MED26: variants seen among roughly 807,000 people sequenced by gnomAD.
MED26 encodes the protein mediator of RNA polymerase II transcription subunit 26.
A neutral mutation model predicts 43.7 loss-of-function variants in MED26; 7 were observed. The observed-to-expected ratio is 0.16, with a 90% CI of 0.09 to 0.30. MED26 has a LOEUF of 0.30. MED26 is among the 10% of genes least tolerant of loss of function. The pLI is 1.00. For synonymous variants in MED26, 375 were observed against 371.1 expected (o/e 1.01, Z -0.12); for missense variants, 784 against 840.6 (o/e 0.93, Z 0.83).
chr19:16,575,221 G>C lies in MED26; in HGVS notation c.*806C>G, dbSNP rs1031270958. 6.6e-5 allele frequency: 10 copies of C among 152,604 alleles called. No homozygotes were observed. The South Asian group carries it at 8.3e-4, about 13-fold the overall frequency. The allele number at this position is 152,604 out of a possible 1,614,324, so 9.5% of individuals were successfully genotyped here. On this transcript the variant is annotated 3_prime_UTR_variant, in exon 3 of 3. Transcript: ENST00000263390. Reference sequence around the variant, plus strand: ...TGTTGTTTTGGGGGGACTCTAGAAAGGTGAAGTTTTCTAGATGTGTACAGG... The same window carrying C: ...TGTTGTTTTGGGGGGACTCTAGAAACGTGAAGTTTTCTAGATGTGTACAGG...
At chr19:16,600,414 G>T (rs554331789) in intron 1 of MED26, among the ~76,000 whole-genome samples, 287 of 152,140 alleles carry the variant, frequency 1.9e-3, no homozygotes, top group Non-Finnish European at 3.4e-3. Flanking sequence ...GGGGTGCAGG[G>T]GGGCCTGCCC....
rs150821852 is a variant in MED26 at position 16,621,043 on chromosome 19, A to G, written c.72+6829T>C. On this transcript the variant is annotated intron_variant, in intron 1 of 2. Transcript: ENST00000263390. ...TAGGAACTGGGAAGGAATGGAATTC[A>G]AAATGTAACATGTGAAAACACTTCA... Among the ~76,000 whole-genome samples, 42 of 152,350 alleles carry G rather than the reference A, an allele frequency of 2.8e-4. No individual in the cohort carries two copies. In the East Asian group the frequency reaches 7.1e-3, roughly 26 times the overall value.
chr19:16,622,473 C>G (rs2086256322), intron 1 of MED26, among the ~76,000 whole-genome samples: 1 of 152,252 alleles, frequency 6.6e-6, no homozygotes, highest in Admixed American at 6.5e-5. Context: ...CCTTTAAATA[C>G]AGCATGTAGA....
chr19:16,611,723 T>C (rs1483775680), intron 1 of MED26: 1 of 152,132 alleles, frequency 6.6e-6, no homozygotes, highest in African/African-American at 2.4e-5. Flanking sequence ...CATTTTTCTA[T>C]AGAGCCTTCA....
intron 1 of MED26, among the ~76,000 whole-genome samples, chr19:16,603,462 CT>C (rs1487746257): frequency 1.3e-5 from 2 of 151,906 alleles, no homozygotes; most frequent in Non-Finnish European, 2.9e-5. Context: ...TGCTTGAGGG[CT>C]TTTTTTAAAA....
In MED26 at chr19:16,627,863, G is replaced by A. The variant is rs780847164; in HGVS notation, c.72+9C>T. ...GGCCTCCGTCCCAGCTCGCGCGGCG[G>A]GTACTTACGTTGCTCTGGGGGTCGA... is the stretch of plus-strand genomic sequence containing the variant. On this transcript the variant is annotated intron_variant, in intron 1 of 2. Transcript: ENST00000263390. 1.1e-5 allele frequency: 17 copies of A among 1,486,458 alleles called. No individual in the cohort carries two copies. Among genetic ancestry groups the A allele is most frequent in the South Asian group, 9.0e-5 (7 of 77,848 alleles). 92.1% of individuals were successfully genotyped at this position (1,486,458 alleles called of 1,614,324 possible).
intron 1 of MED26, among the ~76,000 whole-genome samples, chr19:16,589,660 T>C (rs1206524623): frequency 6.6e-6 from 1 of 152,198 alleles, no homozygotes; most frequent in Non-Finnish European, 1.5e-5. Context: ...AAGGCTCTGT[T>C]CCTTAACCTG....
intron 1 of MED26, among the ~76,000 whole-genome samples, chr19:16,607,170 T>C (rs1054104686): frequency 6.6e-6 from 1 of 151,920 alleles, no homozygotes; most frequent in Non-Finnish European, 1.5e-5. Flanking sequence ...AGTGAGACCC[T>C]GTCTCTAAAA....
intron 1 of MED26, among the ~76,000 whole-genome samples, chr19:16,580,199 C>T (rs1029445865): frequency 6.6e-6 from 1 of 152,184 alleles, no homozygotes; most frequent in African/African-American, 2.4e-5. Flanking sequence ...GCCAAGACTG[C>T]GTGGCAAGAG....
intron 1 of MED26, among the ~76,000 whole-genome samples, chr19:16,625,538 CCCCGTTTTTT>C (rs2086270563): frequency 6.6e-6 from 1 of 150,402 alleles, no homozygotes; most frequent in Non-Finnish European, 1.5e-5. Flanking sequence ...TCAACACTGT[CCCCGTTTTTT>C]TTTTTTTCAT....
At chr19:16,618,096 G>C (rs1218159117) in intron 1 of MED26, among the ~76,000 whole-genome samples, 1 of 152,158 alleles carries the variant, frequency 6.6e-6, no homozygotes, top group Non-Finnish European at 1.5e-5. Context: ...ACGAGTTTCC[G>C]GTTACCCAGA....
At chr19:16,599,809 CA>C (rs2086140130) in intron 1 of MED26, among the ~76,000 whole-genome samples, 1 of 152,174 alleles carries the variant, frequency 6.6e-6, no homozygotes, top group African/African-American at 2.4e-5. Context: ...CTTCTCTGTG[CA>C]CCACAGGACA....
chr19:16,624,633 T>C (rs1186799251), intron 1 of MED26: 2 of 152,242 alleles, frequency 1.3e-5, no homozygotes, highest in African/African-American at 4.8e-5. Flanking sequence ...TAATCATCAC[T>C]TAACATCTGT....
intron 1 of MED26, among the ~76,000 whole-genome samples, chr19:16,580,029 C>T (rs543712387): frequency 3.9e-5 from 6 of 152,252 alleles, no homozygotes; most frequent in East Asian, 3.9e-4. Flanking sequence ...ACTTTCCGTC[C>T]GCCATTACAA....
At chr19:16,606,147 G>A (rs1299033818) in intron 1 of MED26, among the ~76,000 whole-genome samples, 1 of 152,210 alleles carries the variant, frequency 6.6e-6, no homozygotes, top group Non-Finnish European at 1.5e-5. Context: ...AGCAGGTGAG[G>A]TCAGGAGACA....
intron 1 of MED26, among the ~76,000 whole-genome samples, chr19:16,580,437 C>T (rs980820554): frequency 4.0e-5 from 6 of 151,746 alleles, no homozygotes; most frequent in South Asian, 2.1e-4. Context: ...GGCACGATCT[C>T]GGCTCACTGC....
chr19:16,614,315 C>T (rs1327838102), intron 1 of MED26, among the ~76,000 whole-genome samples: 2 of 152,086 alleles, frequency 1.3e-5, no homozygotes, highest in Non-Finnish European at 1.5e-5. Flanking sequence ...ATCGCTTGAG[C>T]TCAGGAATTT....
intron 1 of MED26, among the ~76,000 whole-genome samples, chr19:16,620,485 CCT>C (rs2086246753): frequency 6.6e-6 from 1 of 152,214 alleles, no homozygotes; most frequent in Non-Finnish European, 1.5e-5. Flanking sequence ...CAAAACTGGC[CCT>C]GTTTACAGTG....
intron 1 of MED26, among the ~76,000 whole-genome samples, chr19:16,595,386 T>C (rs79610572): frequency 0.052 from 7,909 of 152,260 alleles, 287 homozygotes; most frequent in South Asian, 0.065. Context: ...GCCCCTGTGG[T>C]CTTCCTCTCC....
Sources: allele counts gnomAD v4.1 joint callset (sites outside exome capture counted in the v4.1 genomes callset), GRCh38; gene constraint gnomAD v4.1.1; transcripts MANE v1.5; gene names NCBI Gene and HGNC (gene_info 2026-07-23, HGNC 2026-07-21).